The following TCTN3 variants were observed in gnomAD, a reference collection of about 807,000 sequenced individuals.
TCTN3 encodes tectonic-3.
A neutral mutation model predicts 71.3 loss-of-function variants in TCTN3; 57 were observed. The ratio of observed to expected loss-of-function variants is 0.80; its 90% confidence interval spans 0.65 to 1.00. The LOEUF (loss-of-function observed/expected upper bound fraction) is 1.00. Ranked by LOEUF, TCTN3 falls within the 50% of genes least tolerant of loss-of-function variation. The pLI is 0.00. For synonymous variants in TCTN3, 258 were observed against 267.8 expected (o/e 0.96, Z 0.36); for missense variants, 696 against 719.9 (o/e 0.97, Z 0.38).
At chr10:95,683,231 C>T in intron 10 of TCTN3, 36 bp from the exon 11 acceptor site, 2 of 1,581,270 alleles carry the variant, frequency 1.3e-6, no homozygotes, top group Non-Finnish European at 1.7e-6. Flanking sequence ...GACATCATAA[C>T]AGAAAAAAAA....
intron 3 of TCTN3, 165 bp downstream of exon 3, chr10:95,692,755 G>T: frequency 3.4e-6 from 2 of 593,956 alleles, no homozygotes; most frequent in Non-Finnish European, 5.9e-6. Flanking sequence ...TAAAACATTT[G>T]ACATTTTTTT....
chr10:95,688,397 GAAAA>G (rs60722894), intron 3 of TCTN3, among the ~76,000 whole-genome samples: 1 of 104,590 alleles, frequency 9.6e-6, no homozygotes, highest in Admixed American at 1.2e-4. Flanking sequence ...TCAAAAAAAA[GAAAA>G]AAAAAAAAAA....
intron 13 of TCTN3, among the ~76,000 whole-genome samples, chr10:95,678,533 C>CAAAAAAAAAAAAAAAAAAAAATAAAA (rs2097939719): frequency 9.6e-6 from 1 of 103,678 alleles, no homozygotes; most frequent in Non-Finnish European, 2.0e-5. Flanking sequence ...AACACTGTCT[C>CAAAAAAAAAAAAAAAAAAAAATAAAA]AAAAAAAAAA....
At chr10:95,686,425 A>C (rs2097948331) in intron 7 of TCTN3, 70 bp downstream of exon 7, 2 of 1,488,724 alleles carry the variant, frequency 1.3e-6, no homozygotes, top group Admixed American at 3.4e-5. Flanking sequence ...TACAACTTAG[A>C]CTAAAATTGC....
chr10:95,683,744 A>G (rs1589615161), intron 9 of TCTN3, 115 bp from the exon 10 acceptor site: 1 of 797,460 alleles, frequency 1.3e-6, no homozygotes, highest in East Asian at 2.7e-5. Context: ...AGTGAGCTAC[A>G]CTGAACAATC....
intron 13 of TCTN3, among the ~76,000 whole-genome samples, chr10:95,677,474 GTTTTTTTTGTTTTT>G (rs1219809264): frequency 8.7e-5 from 7 of 80,774 alleles, no homozygotes; most frequent in Non-Finnish European, 9.0e-5. Context: ...GAAGTCTACA[GTTTTTTTTGTTTTT>G]TTTTTTTTTT....
rs745968146 is a variant in TCTN3 at position 95,683,587 on chromosome 10, T to C, written c.1138A>G (p.Ser380Gly). The change falls in exon 10 of 14, where the codon AGT (serine) becomes GGT (glycine). Residue 380 changes from serine to glycine, a missense_variant. By Grantham distance (56) the Ser-to-Gly change is moderately conservative. Transcript: ENST00000371217. ...STAASLTSPR[S>G]GNPGYIVGKP... ...CCAACTATATAGCCAGGATTCCCAC[T>C]TCTAGGACTGGTGAGAGAAGCAGCT... The C allele has an allele frequency of 3.1e-6, 5 of 1,614,124 alleles. No individual in the cohort carries two copies. Among genetic ancestry groups the C allele is most frequent in the African/African-American group, 2.7e-5 (2 of 75,046 alleles).
At chr10:95,692,533 C>G (rs1479345729) in intron 3 of TCTN3, among the ~76,000 whole-genome samples, 1 of 150,258 alleles carries the variant, frequency 6.7e-6, no homozygotes, top group East Asian at 1.9e-4. Context: ...CAAATGTATT[C>G]CGTAATAAGA....
intron 3 of TCTN3, 32 bp downstream of exon 3, chr10:95,692,888 A>G (rs367569646): frequency 1.2e-4 from 179 of 1,519,860 alleles, no homozygotes; most frequent in Non-Finnish European, 1.6e-4. Context: ...CCTGTGTTAG[A>G]AAATGAGAAC....
chr10:95,675,913 TG>T (rs1416507898), intron 13 of TCTN3, among the ~76,000 whole-genome samples: 2 of 152,220 alleles, frequency 1.3e-5, no homozygotes, highest in Admixed American at 1.3e-4. Context: ...CAATAATCCC[TG>T]GAACAATATA....
chr10:95,692,817 T>A, intron 3 of TCTN3, 103 bp downstream of exon 3: 1 of 823,328 alleles, frequency 1.2e-6, no homozygotes, highest in Admixed American at 2.0e-5. Flanking sequence ...TAGTGTATTT[T>A]ACGTGTGGCC....
intron 3 of TCTN3, among the ~76,000 whole-genome samples, chr10:95,688,872 C>T (rs1165804183): frequency 1.3e-5 from 2 of 152,128 alleles, no homozygotes; most frequent in Non-Finnish European, 2.9e-5. Context: ...TGATTGACAA[C>T]ACTCTGTCTG....
rs375124296 is a variant in TCTN3, at chr10:95,683,168, C to T, written c.1231G>A (p.Gly411Arg). 6 of 1,614,054 alleles carry T rather than the reference C, an allele frequency of 3.7e-6. No homozygotes were observed. The highest frequency in any genetic ancestry group is 5.1e-6 in the Non-Finnish European group (6 of 1,179,976). The change falls in exon 11 of 14, where the codon GGA becomes AGA. Residue 411 changes from glycine to arginine, a missense_variant. Physicochemically the swap from Gly to Arg is moderately radical, Grantham distance 125. Coordinates refer to ENST00000371217, the MANE Select transcript of TCTN3 (RefSeq NM_015631.6). ...TCATGTCTTTTAACAGAGCAACTTC[C>T]ATTACCCTGGCTCTGTAAGAGGGTC... ...SMTLLQSQGN[G>R]SCSVKRHEVQ... is the part of the protein sequence containing the mutation.
chr10:95,677,994 T>C (rs1425847267), intron 13 of TCTN3, among the ~76,000 whole-genome samples: 1 of 152,200 alleles, frequency 6.6e-6, no homozygotes, highest in Non-Finnish European at 1.5e-5. Flanking sequence ...ATGCAGTATA[T>C]AGACTGGCAG....
intron 10 of TCTN3, 87 bp from the exon 11 acceptor site, chr10:95,683,282 A>C: frequency 3.9e-6 from 6 of 1,521,768 alleles, no homozygotes; most frequent in Non-Finnish European, 5.4e-6. Context: ...ATTCTCCTTT[A>C]ATGCTATTTA....
chr10:95,683,635 G>A lies in TCTN3; in HGVS notation c.1096-6C>T, dbSNP rs747714818. The stretch of plus-strand genomic sequence containing the variant: ...GCTGTGCTCTGTTGAAAAGCCTGCA[G>A]AAAGAGGGAAGAGAAGTCAATTATG... On this transcript the variant is annotated splice_polypyrimidine_tract_variant and splice_region_variant and intron_variant, in intron 9 of 13. Coordinates refer to ENST00000371217, the MANE Select transcript of TCTN3 (RefSeq NM_015631.6). 2 of 1,601,884 alleles carry A rather than the reference G, an allele frequency of 1.2e-6. No homozygotes were observed. Among genetic ancestry groups the A allele is most frequent in the South Asian group, 1.1e-5 (1 of 89,588 alleles).
chr10:95,675,583 A>C (rs2097936216), intron 13 of TCTN3, among the ~76,000 whole-genome samples: 1 of 152,220 alleles, frequency 6.6e-6, no homozygotes, highest in Admixed American at 6.5e-5. Flanking sequence ...AGATAAAAGC[A>C]AATAGTGGTT....
At position 95,687,337 on chromosome 10, in the gene TCTN3, T is replaced by C. The variant is rs1159511735; in HGVS notation, c.646A>G (p.Thr216Ala). ...ATTACAGACCACTTGGGGAAGTAAGTAAGAATGGGGTCCCCAGCCTGAATA... is the reference window on the plus strand; with the variant it reads ...ATTACAGACCACTTGGGGAAGTAAGCAAGAATGGGGTCCCCAGCCTGAATA... Reference protein sequence around the residue: ...SFYRAGDPILTYFPKWSVISL... With the variant: ...SFYRAGDPILAYFPKWSVISL... The change falls in exon 5 of 14, where the codon ACT becomes GCT. Residue 216 changes from threonine to alanine, a missense_variant. Coordinates refer to ENST00000371217, the MANE Select transcript of TCTN3 (RefSeq NM_015631.6). 3 of 1,613,708 alleles carry C rather than the reference T, an allele frequency of 1.9e-6. No homozygotes were observed. The highest frequency in any genetic ancestry group is 1.7e-4 in the Middle Eastern group (1 of 6,058).
rs778424498 is a variant in TCTN3, at chr10:95,693,710, G to A, written c.190C>T (p.Pro64Ser). 6 of 1,551,704 alleles carry A rather than the reference G, an allele frequency of 3.9e-6. No individual in the cohort carries two copies. In the South Asian group the frequency reaches 7.1e-5, roughly 18 times the overall value. The change falls in exon 1 of 14, where the codon CCT becomes TCT. Residue 64 changes from proline to serine, a missense_variant. By Grantham distance (74) the Pro-to-Ser change is moderately conservative. Coordinates refer to ENST00000371217, the MANE Select transcript of TCTN3 (RefSeq NM_015631.6). ...TATRPAVPGLPTVVPTLVTPS... is the reference protein window; with the variant it reads ...TATRPAVPGLSTVVPTLVTPS... Reference sequence around the variant, plus strand: ...GTCACGAGAGTAGGGACCACTGTAGGGAGTCCAGGCACGGCCGGGCGAGTT... The same window carrying A: ...GTCACGAGAGTAGGGACCACTGTAGAGAGTCCAGGCACGGCCGGGCGAGTT...
Sources: gnomAD v4.1 joint callset for allele counts (sites outside exome capture counted in the v4.1 genomes callset) on GRCh38, gnomAD v4.1.1 for gene constraint, MANE v1.5 for transcripts, NCBI Gene and HGNC (gene_info 2026-07-23, HGNC 2026-07-21) for gene names.